Variants in EYS observed in about 807,000 individuals in gnomAD.
The protein encoded by EYS is protein eyes shut homolog.
Under a neutral mutation model 282.1 loss-of-function variants are expected in EYS, and 250 were observed. The ratio of observed to expected loss-of-function variants is 0.89; its 90% CI spans 0.80 to 0.98. EYS has a LOEUF of 0.98. Among genes scored for constraint, EYS ranks in the 50% least tolerant of loss-of-function variants. The pLI, the probability that EYS is intolerant of heterozygous loss-of-function variation, is 0.00. For missense variants in EYS, 4,016 were observed against 3,709.0 expected (o/e 1.08, Z -2.15); for synonymous variants, 1,355 against 1,282.9 (o/e 1.06, Z -1.20).
chr6:63,955,770 A>T (rs993106917), intron 35 of EYS, among the ~76,000 whole-genome samples: 2 of 152,196 alleles, frequency 1.3e-5, no homozygotes, highest in Non-Finnish European at 2.9e-5. Flanking sequence ...CAAACAAGTA[A>T]TTACGCTGAA....
intron 22 of EYS, among the ~76,000 whole-genome samples, chr6:64,689,268 T>C (rs975598814): frequency 2.6e-5 from 4 of 152,164 alleles, no homozygotes; most frequent in African/African-American, 9.7e-5. Flanking sequence ...TTGCAAGGGA[T>C]GTGAAGGACC....
At chr6:65,211,672 T>C (rs1457522098) in intron 12 of EYS, among the ~76,000 whole-genome samples, 3 of 151,912 alleles carry the variant, frequency 2.0e-5, no homozygotes, top group African/African-American at 4.8e-5. Flanking sequence ...AGGTAGAGTA[T>C]GACTTGTCCT....
At chr6:64,689,309 A>G (rs1171508690) in intron 22 of EYS, among the ~76,000 whole-genome samples, 3 of 152,186 alleles carry the variant, frequency 2.0e-5, no homozygotes, top group African/African-American at 4.8e-5. Flanking sequence ...CCACTGCTCA[A>G]TGAAGTAAAA....
intron 36 of EYS, among the ~76,000 whole-genome samples, chr6:63,827,705 G>A (rs1312342683): frequency 2.6e-5 from 4 of 151,754 alleles, no homozygotes; most frequent in South Asian, 2.1e-4. Context: ...TTAGCCGGGC[G>A]CTGTGGCGGG....
intron 14 of EYS, among the ~76,000 whole-genome samples, chr6:64,970,848 A>G (rs1384386957): frequency 2.0e-5 from 3 of 152,162 alleles, no homozygotes; most frequent in African/African-American, 7.2e-5. Flanking sequence ...TTTGAGATAA[A>G]TGAATTCAGA....
chr6:63,845,689 TA>T (rs1772080825), intron 36 of EYS, among the ~76,000 whole-genome samples: 1 of 151,786 alleles, frequency 6.6e-6, no homozygotes, highest in African/African-American at 2.4e-5. Flanking sequence ...GACTTTTTTT[TA>T]TCAAGTTATA....
chr6:64,961,414 A>T (rs1769911833), intron 14 of EYS, among the ~76,000 whole-genome samples: 1 of 152,118 alleles, frequency 6.6e-6, no homozygotes, highest in Non-Finnish European at 1.5e-5. Flanking sequence ...AACTGTAGTG[A>T]ACAGGAATGA....
chr6:65,015,349 G>C (rs867912450), intron 13 of EYS, among the ~76,000 whole-genome samples: 3 of 152,170 alleles, frequency 2.0e-5, no homozygotes, highest in Admixed American at 6.5e-5. Context: ...TGAAAATTGG[G>C]ATGTGTTAAA....
At chr6:65,148,686 C>T (rs1386482742) in intron 12 of EYS, among the ~76,000 whole-genome samples, 1 of 152,172 alleles carries the variant, frequency 6.6e-6, no homozygotes, top group East Asian at 2.0e-4. Context: ...GGACTCTGAA[C>T]CCACATTTCC....
At chr6:64,688,479 G>A (rs1193816687) in intron 22 of EYS, among the ~76,000 whole-genome samples, 1 of 152,068 alleles carries the variant, frequency 6.6e-6, no homozygotes, top group Non-Finnish European at 1.5e-5. Context: ...ATTTTGTTAT[G>A]TACCCAGTAG....
intron 35 of EYS, among the ~76,000 whole-genome samples, chr6:63,917,089 G>T (rs1466473162): frequency 2.0e-5 from 3 of 152,228 alleles, no homozygotes; most frequent in Non-Finnish European, 4.4e-5. Context: ...AGATATTTGT[G>T]TTATGAAATT....
chr6:65,366,906 T>C (rs1457182566), intron 8 of EYS, among the ~76,000 whole-genome samples: 2 of 151,690 alleles, frequency 1.3e-5, no homozygotes, highest in Admixed American at 6.7e-5. Flanking sequence ...CTCTGCTTTG[T>C]TATCATATCA....
chr6:64,482,533 A>G (rs1398024720), intron 26 of EYS, among the ~76,000 whole-genome samples: 11 of 151,672 alleles, frequency 7.3e-5, no homozygotes, highest in Admixed American at 5.9e-4. Context: ...AGTTTAATGG[A>G]CATAGTAGTT....
intron 26 of EYS, among the ~76,000 whole-genome samples, chr6:64,464,860 C>T (rs1446241072): frequency 2.0e-5 from 3 of 151,824 alleles, no homozygotes; most frequent in Admixed American, 2.0e-4. Flanking sequence ...TAAACTACAG[C>T]TACCTTAAGA....
At chr6:64,658,467 T>C (rs549451315) in intron 22 of EYS, among the ~76,000 whole-genome samples, 1 of 152,320 alleles carries the variant, frequency 6.6e-6, no homozygotes, top group African/African-American at 2.4e-5. Context: ...TCTCTGTTTT[T>C]TCCCCATCTT....
intron 22 of EYS, among the ~76,000 whole-genome samples, chr6:64,672,846 C>T (rs1769514200): frequency 6.6e-6 from 1 of 152,162 alleles, no homozygotes; most frequent in Non-Finnish European, 1.5e-5. Context: ...AGATAAGTGA[C>T]TCAAACTATT....
At chr6:64,655,315 T>A (rs921537047) in intron 22 of EYS, among the ~76,000 whole-genome samples, 11 of 150,312 alleles carry the variant, frequency 7.3e-5, no homozygotes, top group Middle Eastern at 3.4e-3. Context: ...ATAAAATAAG[T>A]AGGTTTCATA....
chr6:64,184,344 G>A (rs1414781742), intron 31 of EYS, among the ~76,000 whole-genome samples: 1 of 152,100 alleles, frequency 6.6e-6, no homozygotes, highest in Non-Finnish European at 1.5e-5. Flanking sequence ...CTAACCATGT[G>A]CCTTCTGCCT....
intron 22 of EYS, among the ~76,000 whole-genome samples, chr6:64,778,129 T>C (rs1773735161): frequency 6.6e-6 from 1 of 152,132 alleles, no homozygotes; most frequent in Non-Finnish European, 1.5e-5. Flanking sequence ...ATCTCTCAGA[T>C]GCCAGAAGAA....
Sources: allele counts gnomAD v4.1 joint callset (sites outside exome capture counted in the v4.1 genomes callset), GRCh38; gene constraint gnomAD v4.1.1; transcripts MANE v1.5; gene names NCBI Gene and HGNC (gene_info 2026-07-23, HGNC 2026-07-21).